ACSM2B: variants seen among roughly 807,000 people sequenced by gnomAD.
The protein encoded by ACSM2B is acyl-coenzyme A synthetase ACSM2B, mitochondrial.
In ACSM2B, 58 loss-of-function variants were observed where a neutral mutation model predicts 78.6. The ratio of observed to expected loss-of-function variants is 0.74; its 90% CI spans 0.60 to 0.92. The LOEUF (loss-of-function observed/expected upper bound fraction) is 0.92. ACSM2B is among the 40% of genes least tolerant of loss of function. The pLI, the probability that ACSM2B is intolerant of heterozygous loss-of-function variation, is 0.00. For synonymous variants in ACSM2B, 257 were observed against 256.8 expected, an observed-to-expected ratio of 1.00 and a Z score of -0.01; for missense variants, 688 against 711.2, an observed-to-expected ratio of 0.97 and a Z score of 0.37.
intron 9 of ACSM2B, 76 bp from the exon 10 acceptor site, chr16:20,545,334 T>C: frequency 1.3e-6 from 2 of 1,528,252 alleles, no homozygotes; most frequent in South Asian, 1.2e-5. Flanking sequence ...GATTGCTGAG[T>C]TGGTCAAATG....
intron 4 of ACSM2B, among the ~76,000 whole-genome samples, chr16:20,554,909 G>A (rs1175993986): frequency 1.3e-5 from 2 of 152,150 alleles, no homozygotes; most frequent in Admixed American, 6.5e-5. Context: ...ATGGAACTCT[G>A]ACCCACTCTT....
In ACSM2B at chr16:20,553,996, C is replaced by A. The variant is rs1307368774; in HGVS notation, c.597-76G>T. On this transcript the variant is annotated intron_variant, in intron 4 of 13. Transcript: ENST00000329697. ...TATCAAAGTGACCCATCTTTTCCCACCACCCACTGTGCTGAAAAGGGCAAG... is the reference window on the plus strand; with the variant it reads ...TATCAAAGTGACCCATCTTTTCCCAACACCCACTGTGCTGAAAAGGGCAAG... 7 of 1,599,870 alleles carry A rather than the reference C, an allele frequency of 4.4e-6. No individual in the cohort carries two copies. In the Admixed American group the frequency reaches 1.2e-4, roughly 27 times the overall value.
rs1401215179 is a variant in ACSM2B at position 20,552,392 on chromosome 16, T to G, written c.741-95A>C. 5.3e-6 allele frequency: 8 copies of G among 1,498,822 alleles called. No homozygotes were observed. The Admixed American group carries it at 1.2e-4, about 23-fold the overall frequency. The allele number at this position is 1,498,822 out of a possible 1,614,324, so 92.8% of individuals were successfully genotyped here. A position where few individuals can be genotyped will look rare whatever the true frequency, so the allele number is the denominator to read the frequency against. ...GTAGGGGAGGAAAGGGAGGTGTGTG[T>G]GCAGAGGTGTGCGTGTATCTGCCTG... is the stretch of plus-strand genomic sequence containing the variant. On this transcript the variant is annotated intron_variant, in intron 5 of 13. Coordinates refer to ENST00000329697, the MANE Select transcript of ACSM2B (RefSeq NM_001105069.2).
chr16:20,570,356 A>G, intron 1 of ACSM2B, among the ~76,000 whole-genome samples: 1 of 152,010 alleles, frequency 6.6e-6, no homozygotes, highest in South Asian at 2.1e-4. Flanking sequence ...TATGTGGTGT[A>G]TCACATTTAT....
intron 9 of ACSM2B, among the ~76,000 whole-genome samples, chr16:20,545,989 A>G (rs1202135231): frequency 1.3e-5 from 2 of 152,220 alleles, no homozygotes; most frequent in East Asian, 1.9e-4. Context: ...GATACATACT[A>G]TTTAATACTA....
At chr16:20,573,089 G>T (rs1379844005) in intron 1 of ACSM2B, among the ~76,000 whole-genome samples, 1 of 150,936 alleles carries the variant, frequency 6.6e-6, no homozygotes, top group African/African-American at 2.4e-5. Flanking sequence ...TCTTGGTTTG[G>T]ATCCATTGCT....
intron 6 of ACSM2B, 149 bp from the exon 7 acceptor site, chr16:20,548,622 A>C: frequency 2.6e-6 from 4 of 1,536,234 alleles, no homozygotes; most frequent in Non-Finnish European, 3.5e-6. Context: ...AAGTTAAATG[A>C]GCCCCACAAC....
chr16:20,549,271 C>T (rs893106467), intron 6 of ACSM2B, among the ~76,000 whole-genome samples: 4 of 151,984 alleles, frequency 2.6e-5, no homozygotes, highest in African/African-American at 7.3e-5. Context: ...ACTGAGTACC[C>T]GAGACAGAGT....
intron 1 of ACSM2B, among the ~76,000 whole-genome samples, chr16:20,571,451 C>A (rs1224560625): frequency 6.6e-6 from 1 of 151,738 alleles, no homozygotes; most frequent in African/African-American, 2.4e-5. Context: ...TATAATTTCA[C>A]TTTTCTCAGA....
chr16:20,568,559 G>A (rs2016002197), intron 1 of ACSM2B, among the ~76,000 whole-genome samples: 1 of 151,284 alleles, frequency 6.6e-6, no homozygotes, highest in African/African-American at 2.4e-5. Context: ...TTCGTATAAT[G>A]ACTTATTTTT....
chr16:20,564,882 G>T (rs766982448), intron 1 of ACSM2B, 29 bp from the exon 2 acceptor site: 1 of 1,581,160 alleles, frequency 6.3e-7, no homozygotes, highest in South Asian at 1.2e-5. Flanking sequence ...ACACAGGTAA[G>T]AGCTTCTTTA....
At chr16:20,539,833 A>G (rs918656674) in intron 13 of ACSM2B, among the ~76,000 whole-genome samples, 38 of 152,106 alleles carry the variant, frequency 2.5e-4, no homozygotes, top group Non-Finnish European at 3.4e-4. Context: ...CAGAGCCACA[A>G]AGAAAAAGCA....
Position 20,555,311 on chromosome 16 carries a change from T to C in ACSM2B, c.554A>G (p.Glu185Gly). 6.2e-7 allele frequency: 1 copy of C among 1,613,924 alleles called. No homozygotes were observed. ...GTTCAGCCACCCATCGCAGCTTTTC[T>C]CAGACACCAGTAGCTTAATTCTCAG... Reference protein sequence around the residue: ...PSLRIKLLVSEKSCDGWLNFK... With the variant: ...PSLRIKLLVSGKSCDGWLNFK... The change falls in exon 4 of 14, where the codon GAG becomes GGG. Residue 185 changes from glutamate to glycine, a missense_variant. Physicochemically the swap from Glu to Gly is moderately conservative, Grantham distance 98. Coordinates refer to ENST00000329697, the MANE Select transcript of ACSM2B (RefSeq NM_001105069.2).
At chr16:20,540,402 C>A (rs1796816024) in intron 13 of ACSM2B, among the ~76,000 whole-genome samples, 1 of 152,060 alleles carries the variant, frequency 6.6e-6, no homozygotes, top group Middle Eastern at 3.4e-3. Flanking sequence ...GCCACTACAC[C>A]AGGCTAATTT....
chr16:20,545,088 T>G (rs1201353592), intron 10 of ACSM2B, 69 bp downstream of exon 10: 5 of 1,513,822 alleles, frequency 3.3e-6, no homozygotes, highest in Admixed American at 3.8e-5. Context: ...AGAACATTTG[T>G]CCTCCCTCAT....
intron 13 of ACSM2B, among the ~76,000 whole-genome samples, chr16:20,540,214 T>TG (rs2014946416): frequency 1.5e-5 from 1 of 66,368 alleles, no homozygotes; most frequent in Non-Finnish European, 3.6e-5. Flanking sequence ...GGAAGAGTTG[T>TG]TTTTTTTTTG....
At chr16:20,567,129 G>T (rs1434642168) in intron 1 of ACSM2B, among the ~76,000 whole-genome samples, 1 of 132,380 alleles carries the variant, frequency 7.6e-6, no homozygotes, top group Non-Finnish European at 1.6e-5. Context: ...AGTATATATA[G>T]ATATAGATAT....
chr16:20,567,936 A>C (rs1171117655), intron 1 of ACSM2B, among the ~76,000 whole-genome samples: 1 of 143,396 alleles, frequency 7.0e-6, no homozygotes, highest in Non-Finnish European at 1.5e-5. Flanking sequence ...AATATATAGA[A>C]ATTTATATAT....
At position 20,552,422 on chromosome 16, in the gene ACSM2B, T is replaced by A. The variant is rs1051825793; in HGVS notation, c.741-125A>T. On this transcript the variant is annotated intron_variant, in intron 5 of 13. Coordinates refer to ENST00000329697, the MANE Select transcript of ACSM2B (RefSeq NM_001105069.2). ...AGGTGTGCGTGTATCTGCCTGCAGG[T>A]TTATAGGCATATGTTTAAGTATAAG... is the stretch of plus-strand genomic sequence containing the variant. 1.5e-5 allele frequency: 20 copies of A among 1,358,124 alleles called. No homozygotes were observed. In the South Asian group the frequency reaches 2.3e-4, roughly 16 times the overall value. 84.1% of individuals were successfully genotyped at this position (1,358,124 alleles called of 1,614,324 possible).
Sources: allele counts gnomAD v4.1 joint callset (sites outside exome capture counted in the v4.1 genomes callset), GRCh38; gene constraint gnomAD v4.1.1; transcripts MANE v1.5; gene names NCBI Gene and HGNC (gene_info 2026-07-23, HGNC 2026-07-21).